The following SLC12A2 variants were observed in gnomAD, a reference collection of about 807,000 sequenced individuals.
SLC12A2 encodes the protein Na-K-2Cl cotransporter 1.
In SLC12A2, 67 loss-of-function variants were observed where a neutral mutation model predicts 136.3. The observed-to-expected ratio is 0.49, with a 90% confidence interval of 0.40 to 0.60. The LOEUF (loss-of-function observed/expected upper bound fraction) is 0.60. SLC12A2 is among the 20% of genes least tolerant of loss of function. SLC12A2 has a pLI of 0.00. For missense variants in SLC12A2, 1,322 were observed against 1,534.7 expected (o/e 0.86, Z 2.32); for synonymous variants, 619 against 562.9 (o/e 1.10, Z -1.41).
intron 6 of SLC12A2, 55 bp from the exon 7 acceptor site, chr5:128,135,645 A>G (rs965020779): frequency 8.7e-7 from 1 of 1,146,304 alleles, no homozygotes; most frequent in South Asian, 1.3e-5. Context: ...GGGGAATTGA[A>G]TCAAGATATA....
chr5:128,088,007 C>CTGTGTGTGTG (rs58191870), intron 1 of SLC12A2, among the ~76,000 whole-genome samples: 6,159 of 140,308 alleles, frequency 0.044, 186 homozygotes, highest in South Asian at 0.072. Flanking sequence ...GGAGGAGGCT[C>CTGTGTGTGTG]TGTGTGTGTG....
At chr5:128,138,958 G>T in intron 9 of SLC12A2, 50 bp downstream of exon 9, 1 of 1,219,868 alleles carries the variant, frequency 8.2e-7, no homozygotes, top group Admixed American at 1.9e-5. Context: ...CATGATGTAC[G>T]TACTATAAAT....
rs1490214709 is a variant in SLC12A2, at chr5:128,088,157, C to T, written c.756+3447C>T. Among the ~76,000 whole-genome samples the T allele has an allele frequency of 2.0e-5, 3 of 151,690 alleles. No individual in the cohort carries two copies. In the South Asian group the frequency reaches 6.3e-4, roughly 32 times the overall value. On this transcript the variant is annotated intron_variant, in intron 1 of 26. Transcript: ENST00000262461. ...TAAGAGAACAGAAAATAGGGTCTGG[C>T]ATTGGACTTGGAGATTGTTTAAAGG...
intron 15 of SLC12A2, among the ~76,000 whole-genome samples, chr5:128,157,804 C>T (rs1308294733): frequency 6.6e-6 from 1 of 152,036 alleles, no homozygotes; most frequent in African/African-American, 2.4e-5. Context: ...GTAATACCTA[C>T]CAGAATCTTG....
chr5:128,182,846 T>C lies in SLC12A2; in HGVS notation c.3213-9T>C. Reference sequence around the variant, plus strand: ...ACTTGTATCTTAATTCTATTTATTTTTGTTGTAGGATGGCTACTTTGCTTA... The same window carrying C: ...ACTTGTATCTTAATTCTATTTATTTCTGTTGTAGGATGGCTACTTTGCTTA... On this transcript the variant is annotated splice_polypyrimidine_tract_variant and intron_variant, in intron 23 of 26. Coordinates refer to ENST00000262461, the MANE Select transcript of SLC12A2 (RefSeq NM_001046.3). 6.3e-7 allele frequency: 1 copy of C among 1,594,104 alleles called. No individual in the cohort carries two copies. The highest frequency in any genetic ancestry group is 8.6e-7 in the Non-Finnish European group (1 of 1,163,718).
chr5:128,108,629 A>T (rs1105315), intron 1 of SLC12A2, among the ~76,000 whole-genome samples: 1 of 151,892 alleles, frequency 6.6e-6, no homozygotes, highest in Non-Finnish European at 1.5e-5. Context: ...GGTGATTGGC[A>T]GGGGCTGAAG....
chr5:128,117,079 G>A (rs1254942735), intron 4 of SLC12A2, among the ~76,000 whole-genome samples: 1 of 152,152 alleles, frequency 6.6e-6, no homozygotes, highest in African/African-American at 2.4e-5. Flanking sequence ...TAAATGACCA[G>A]CTCAGTGGCA....
chr5:128,094,927 G>C (rs1311347642), intron 1 of SLC12A2, among the ~76,000 whole-genome samples: 1 of 152,036 alleles, frequency 6.6e-6, no homozygotes. Context: ...GTTATCATTG[G>C]ACAATTGAGA....
rs1763922102 is a variant in SLC12A2, at chr5:128,188,083, A to G, written c.*1452A>G. 7.1e-6 allele frequency: 1 copy of G among 141,006 alleles called. No homozygotes were observed. The highest frequency in any genetic ancestry group is 1.6e-5 in the Non-Finnish European group (1 of 63,600). 8.7% of individuals were successfully genotyped at this position (141,006 alleles called of 1,614,324 possible). ...TAAAGTGATCAAGATTCATTAGGCAAACTTTGGTTTAAGTAAACATATGTT... is the reference window on the plus strand; with the variant it reads ...TAAAGTGATCAAGATTCATTAGGCAGACTTTGGTTTAAGTAAACATATGTT... On this transcript the variant is annotated 3_prime_UTR_variant, in exon 27 of 27. Coordinates refer to ENST00000262461, the MANE Select transcript of SLC12A2 (RefSeq NM_001046.3).
intron 7 of SLC12A2, 89 bp from the exon 8 acceptor site, chr5:128,138,508 G>C: frequency 1.7e-6 from 2 of 1,164,052 alleles, no homozygotes; most frequent in Non-Finnish European, 2.4e-6. Flanking sequence ...AGAAAAGTTA[G>C]GGGTCATGTA....
At chr5:128,152,527 A>G (rs1164682677) in intron 14 of SLC12A2, among the ~76,000 whole-genome samples, 179 bp from the exon 15 acceptor site, 1 of 152,254 alleles carries the variant, frequency 6.6e-6, no homozygotes, top group African/African-American at 2.4e-5. Flanking sequence ...AATGAATTAT[A>G]GTTCAGATTA....
intron 1 of SLC12A2, among the ~76,000 whole-genome samples, chr5:128,090,561 C>A (rs1760270240): frequency 1.3e-5 from 2 of 152,064 alleles, no homozygotes; most frequent in Non-Finnish European, 2.9e-5. Context: ...GTAAACAAAA[C>A]AAAGTCATGG....
chr5:128,110,453 A>T, intron 1 of SLC12A2: 1 of 1,236,028 alleles, frequency 8.1e-7, no homozygotes, highest in South Asian at 1.2e-5. Flanking sequence ...GGTTAAACTC[A>T]GTAGAAACAC....
chr5:128,105,265 G>A (rs937267188), intron 1 of SLC12A2, among the ~76,000 whole-genome samples: 4 of 152,140 alleles, frequency 2.6e-5, no homozygotes, highest in Admixed American at 2.6e-4. Context: ...CGTCACTTAC[G>A]ACTTAACACA....
In SLC12A2 at chr5:128,114,387, T is replaced by C. The variant is rs183283005; in HGVS notation, c.952+100T>C. On this transcript the variant is annotated intron_variant, in intron 3 of 26. Coordinates refer to ENST00000262461, the MANE Select transcript of SLC12A2 (RefSeq NM_001046.3). ...TCAAGAAATTAGAGTCATTTTTAAC[T>C]ACGTTTTCCTTTATATCAGATTGTT... 94 of 943,028 alleles carry C rather than the reference T, an allele frequency of 1.0e-4. No individual in the cohort carries two copies. In the African/African-American group the frequency reaches 1.2e-3, roughly 12 times the overall value. 58.4% of individuals were successfully genotyped at this position (943,028 alleles called of 1,614,324 possible).
At chr5:128,110,655 A>C in intron 1 of SLC12A2, 1 of 1,221,860 alleles carries the variant, frequency 8.2e-7, no homozygotes, top group East Asian at 2.3e-5. Context: ...TGCTGAAGCC[A>C]AGACTCCGTC....
chr5:128,110,213 G>GA (rs146316785), intron 1 of SLC12A2: 7 of 806,956 alleles, frequency 8.7e-6, no homozygotes, highest in African/African-American at 6.7e-5. Context: ...CTTTGCTTTG[G>GA]AAAAAAAGAA....
chr5:128,149,670 T>C (rs1762637827), intron 12 of SLC12A2, among the ~76,000 whole-genome samples: 1 of 151,888 alleles, frequency 6.6e-6, no homozygotes, highest in Admixed American at 6.6e-5. Flanking sequence ...GGTATGCTAT[T>C]TATGTAACTT....
In SLC12A2 at chr5:128,149,908, G is replaced by A. The variant is rs956609944; in HGVS notation, c.2006-89G>A. 7.8e-6 allele frequency: 7 copies of A among 896,040 alleles called. No homozygotes were observed. The African/African-American group carries it at 1.2e-4, about 15-fold the overall frequency. The allele number at this position is 896,040 out of a possible 1,614,324, so 55.5% of individuals were successfully genotyped here. The stretch of plus-strand genomic sequence containing the variant: ...CTGGATGGTGGTTATGGGGTGTTAC[G>A]TTGTTATCTAAAGATTTGAAATACT... On this transcript the variant is annotated intron_variant, in intron 12 of 26. Transcript: ENST00000262461.
Sources: allele counts gnomAD v4.1 joint callset (sites outside exome capture counted in the v4.1 genomes callset), GRCh38; gene constraint gnomAD v4.1.1; transcripts MANE v1.5; gene names NCBI Gene and HGNC (gene_info 2026-07-23, HGNC 2026-07-21).